SLC24A2: variants seen among roughly 807,000 people sequenced by gnomAD.
SLC24A2 encodes solute carrier family 24 member 2.
In SLC24A2, 36 loss-of-function variants were observed where a neutral mutation model predicts 62.0. That is an observed-to-expected ratio of 0.58 (90% CI 0.44 to 0.77). SLC24A2 has a LOEUF of 0.77. Among genes scored for constraint, SLC24A2 ranks in the 30% least tolerant of loss-of-function variants. The probability of loss-of-function intolerance (pLI) is 0.00; values close to 1 mark genes in which losing one functional copy is unlikely to be tolerated. For synonymous variants in SLC24A2, 358 were observed against 294.0 expected, an observed-to-expected ratio of 1.22 and a Z score of -2.23; for missense variants, 846 against 817.9, an observed-to-expected ratio of 1.03 and a Z score of -0.42.
chr9:19,814,953 G>A, the SLC24A2 span, among the ~76,000 whole-genome samples: 1 of 152,078 alleles, frequency 6.6e-6, no homozygotes, highest in African/African-American at 2.4e-5. Context: ...TGGAAAATGT[G>A]GTCTTGAAAT....
chr9:20,161,278 C>T, the SLC24A2 span, among the ~76,000 whole-genome samples: 1 of 151,358 alleles, frequency 6.6e-6, no homozygotes, highest in Non-Finnish European at 1.5e-5. Context: ...GGCTCAGGTG[C>T]TTTCATAGAG....
chr9:20,024,267 T>C, the SLC24A2 span, among the ~76,000 whole-genome samples: 1 of 152,154 alleles, frequency 6.6e-6, no homozygotes, highest in Non-Finnish European at 1.5e-5. Context: ...GGCAGAAAAT[T>C]CCAAGCACAG....
the SLC24A2 span, among the ~76,000 whole-genome samples, chr9:19,971,983 A>G: frequency 6.6e-6 from 1 of 152,210 alleles, no homozygotes; most frequent in Non-Finnish European, 1.5e-5. Flanking sequence ...CAAAATAACA[A>G]CTAACAAGTA....
chr9:19,715,940 T>C (rs1445754640), intron 2 of SLC24A2, among the ~76,000 whole-genome samples: 3 of 152,208 alleles, frequency 2.0e-5, no homozygotes, highest in Non-Finnish European at 4.4e-5. Flanking sequence ...GTTTTCTCTC[T>C]TTTCAGGGAC....
At chr9:20,099,420 T>G in the SLC24A2 span, among the ~76,000 whole-genome samples, 1 of 152,162 alleles carries the variant, frequency 6.6e-6, no homozygotes, top group Admixed American at 6.5e-5. Flanking sequence ...GCTCACAGGT[T>G]GCTTTTTGGT....
At chr9:20,054,754 T>A in the SLC24A2 span, among the ~76,000 whole-genome samples, 1 of 152,190 alleles carries the variant, frequency 6.6e-6, no homozygotes, top group Non-Finnish European at 1.5e-5. Context: ...GCACAAAATA[T>A]GTGGCCAAGA....
the SLC24A2 span, among the ~76,000 whole-genome samples, chr9:20,138,808 G>C: frequency 5.3e-5 from 8 of 152,260 alleles, no homozygotes; most frequent in South Asian, 1.5e-3. Context: ...TGTCTGTGTC[G>C]GAAAGAAGAA....
At chr9:20,186,808 A>G in the SLC24A2 span, among the ~76,000 whole-genome samples, 1 of 152,174 alleles carries the variant, frequency 6.6e-6, no homozygotes, top group Non-Finnish European at 1.5e-5. Flanking sequence ...TTAATCAACG[A>G]GAGACATTTT....
At chr9:20,119,979 G>C in the SLC24A2 span, among the ~76,000 whole-genome samples, 1 of 152,090 alleles carries the variant, frequency 6.6e-6, no homozygotes, top group Admixed American at 6.6e-5. Flanking sequence ...AGTCTCACTG[G>C]GCTGAGATCA....
the SLC24A2 span, among the ~76,000 whole-genome samples, chr9:19,870,272 C>A: frequency 1.1e-4 from 16 of 152,240 alleles, no homozygotes; most frequent in East Asian, 2.1e-3. Flanking sequence ...CAAATGGAAT[C>A]ATAGCCTTCT....
At chr9:19,516,531 G>T (rs1219728894) in intron 10 of SLC24A2, 129 bp from the exon 11 acceptor site, 3 of 1,164,098 alleles carry the variant, frequency 2.6e-6, no homozygotes, top group African/African-American at 1.5e-5. Flanking sequence ...GTCTTGTTAG[G>T]TTCACTATGA....
At chr9:19,558,251 T>A (rs1835199981) in intron 7 of SLC24A2, among the ~76,000 whole-genome samples, 1 of 152,180 alleles carries the variant, frequency 6.6e-6, no homozygotes, top group Non-Finnish European at 1.5e-5. Flanking sequence ...TGAGATGCCC[T>A]CTTCTCTCCT....
chr9:19,699,250 A>C (rs4977234), intron 2 of SLC24A2, among the ~76,000 whole-genome samples: 1 of 152,110 alleles, frequency 6.6e-6, no homozygotes, highest in Non-Finnish European at 1.5e-5. Context: ...TAAACATGGG[A>C]AAACATATTC....
At chr9:19,976,218 T>C in the SLC24A2 span, among the ~76,000 whole-genome samples, 2 of 152,178 alleles carry the variant, frequency 1.3e-5, no homozygotes, top group Non-Finnish European at 2.9e-5. Flanking sequence ...ACAATTATTG[T>C]TATAGCTTTC....
intron 8 of SLC24A2, among the ~76,000 whole-genome samples, chr9:19,539,128 A>C (rs1411051880): frequency 1.5e-5 from 1 of 67,248 alleles, no homozygotes; most frequent in Non-Finnish European, 3.0e-5. Flanking sequence ...GTGGTCTATC[A>C]ATTTTGTTGA....
chr9:19,831,274 T>C, the SLC24A2 span, among the ~76,000 whole-genome samples: 3 of 152,218 alleles, frequency 2.0e-5, no homozygotes, highest in East Asian at 1.9e-4. Flanking sequence ...TTATGCATTG[T>C]AGTCTGGCTG....
chr9:19,674,929 C>A (rs376497989), intron 2 of SLC24A2, among the ~76,000 whole-genome samples: 1 of 152,110 alleles, frequency 6.6e-6, no homozygotes, highest in Admixed American at 6.5e-5. Context: ...TGTTAAAGAA[C>A]CTTGTTTTGT....
the SLC24A2 span, among the ~76,000 whole-genome samples, chr9:19,836,563 C>A: frequency 2.6e-5 from 4 of 152,124 alleles, no homozygotes; most frequent in Non-Finnish European, 4.4e-5. Flanking sequence ...CAATAACAGG[C>A]TCTGAAATTG....
At chr9:20,075,364 CAA>C in the SLC24A2 span, among the ~76,000 whole-genome samples, 1 of 152,146 alleles carries the variant, frequency 6.6e-6, no homozygotes, top group African/African-American at 2.4e-5. Context: ...GATAACCTTG[CAA>C]AGTCATATTC....
Sources: gnomAD v4.1 joint callset for allele counts (sites outside exome capture counted in the v4.1 genomes callset) on GRCh38, gnomAD v4.1.1 for gene constraint, MANE v1.5 for transcripts, NCBI Gene and HGNC (gene_info 2026-07-23, HGNC 2026-07-21) for gene names.